The following ARHGAP15 variants were observed in gnomAD, a reference collection of about 807,000 sequenced individuals.
The protein encoded by ARHGAP15 is rho GTPase-activating protein 15.
Under a neutral mutation model 63.7 loss-of-function variants are expected in ARHGAP15, and 51 were observed. The ratio of observed to expected loss-of-function variants is 0.80; its 90% CI spans 0.64 to 1.01. The LOEUF is 1.01. ARHGAP15 is among the 50% of genes least tolerant of loss of function. ARHGAP15 has a pLI of 0.00. For missense variants in ARHGAP15, 560 were observed against 564.6 expected (o/e 0.99, Z 0.08); for synonymous variants, 191 against 193.8 (o/e 0.99, Z 0.12).
chr2:143,497,565 T>C (rs1441971514), intron 9 of ARHGAP15, among the ~76,000 whole-genome samples: 2 of 152,188 alleles, frequency 1.3e-5, no homozygotes, highest in East Asian at 3.8e-4. Context: ...TGGAAGATTC[T>C]TCAGCTTAGT....
intron 9 of ARHGAP15, among the ~76,000 whole-genome samples, chr2:143,510,018 TAAAAAAAAAAAAAAAAAA>T (rs35469918): frequency 4.1e-5 from 2 of 48,808 alleles, no homozygotes; most frequent in East Asian, 1.5e-3. Context: ...GACTCCCTCT[TAAAAAAAAAAAAAAAAAA>T]AAAAAAAAAA....
intron 6 of ARHGAP15, among the ~76,000 whole-genome samples, chr2:143,274,183 GA>G (rs1368393985): frequency 6.6e-6 from 1 of 152,106 alleles, no homozygotes; most frequent in Non-Finnish European, 1.5e-5. Context: ...CAGCTTCGAG[GA>G]AAAGTGGCAA....
At chr2:143,525,317 T>G (rs1308834417) in intron 10 of ARHGAP15, among the ~76,000 whole-genome samples, 3 of 143,208 alleles carry the variant, frequency 2.1e-5, no homozygotes, top group East Asian at 4.1e-4. Context: ...TAAAAAAAAG[T>G]AACAAAAACA....
At chr2:143,618,199 C>A (rs1439751119) in intron 11 of ARHGAP15, among the ~76,000 whole-genome samples, 3 of 152,238 alleles carry the variant, frequency 2.0e-5, no homozygotes, top group East Asian at 1.9e-4. Context: ...TTGAGTGATT[C>A]AACCAACTTA....
chr2:143,324,227 T>A (rs185227391), intron 6 of ARHGAP15, among the ~76,000 whole-genome samples: 4 of 152,246 alleles, frequency 2.6e-5, no homozygotes, highest in African/African-American at 9.6e-5. Flanking sequence ...ATCATTTCTT[T>A]CCTTAGTTAT....
intron 11 of ARHGAP15, among the ~76,000 whole-genome samples, chr2:143,618,644 T>C (rs1234071356): frequency 6.6e-6 from 1 of 152,228 alleles, no homozygotes; most frequent in Non-Finnish European, 1.5e-5. Context: ...TTTTAACACA[T>C]GAAGAAGATT....
At chr2:143,515,837 G>A (rs1429289551) in intron 9 of ARHGAP15, among the ~76,000 whole-genome samples, 1 of 152,202 alleles carries the variant, frequency 6.6e-6, no homozygotes, top group Non-Finnish European at 1.5e-5. Context: ...GATTTAAGAT[G>A]CTTTATAACA....
intron 6 of ARHGAP15, among the ~76,000 whole-genome samples, chr2:143,251,903 A>G (rs1680176146): frequency 6.6e-6 from 1 of 151,986 alleles, no homozygotes; most frequent in African/African-American, 2.4e-5. Flanking sequence ...CCTTTCCCCC[A>G]ATTTCTTACT....
intron 9 of ARHGAP15, among the ~76,000 whole-genome samples, chr2:143,491,210 T>C (rs1692566555): frequency 2.0e-5 from 3 of 152,310 alleles, no homozygotes; most frequent in East Asian, 1.9e-4. Flanking sequence ...ATATAAATTA[T>C]AGGCAAAAGC....
At chr2:143,279,182 C>T (rs1429884463) in intron 6 of ARHGAP15, among the ~76,000 whole-genome samples, 2 of 152,092 alleles carry the variant, frequency 1.3e-5, no homozygotes, top group African/African-American at 4.8e-5. Context: ...AAGAATGAAG[C>T]GGTATCTCTT....
intron 12 of ARHGAP15, among the ~76,000 whole-genome samples, chr2:143,655,424 A>G (rs1681386703): frequency 6.7e-6 from 1 of 150,082 alleles, no homozygotes; most frequent in South Asian, 2.2e-4. Context: ...TGCCAGACAC[A>G]GTGTGGTAAT....
At chr2:143,418,404 C>T (rs1688776015) in intron 6 of ARHGAP15, among the ~76,000 whole-genome samples, 1 of 152,100 alleles carries the variant, frequency 6.6e-6, no homozygotes, top group Admixed American at 6.6e-5. Context: ...ATGAAACTGT[C>T]AAAATTTACT....
At chr2:143,398,227 C>T (rs1460920174) in intron 6 of ARHGAP15, among the ~76,000 whole-genome samples, 1 of 152,068 alleles carries the variant, frequency 6.6e-6, no homozygotes, top group Non-Finnish European at 1.5e-5. Context: ...AATGTACCAC[C>T]TCAGTTATGG....
At chr2:143,174,183 C>T (rs554286784) in intron 2 of ARHGAP15, among the ~76,000 whole-genome samples, 4 of 152,196 alleles carry the variant, frequency 2.6e-5, no homozygotes, top group Non-Finnish European at 5.9e-5. Flanking sequence ...ATAATACCAG[C>T]TCTGCCAGGC....
chr2:143,444,692 C>T (rs537513723), intron 8 of ARHGAP15, among the ~76,000 whole-genome samples: 2 of 152,148 alleles, frequency 1.3e-5, no homozygotes, highest in South Asian at 2.1e-4. Flanking sequence ...AAAAAAAATC[C>T]GTTGTTAACA....
At chr2:143,636,883 C>G (rs1328427664) in intron 12 of ARHGAP15, among the ~76,000 whole-genome samples, 1 of 152,084 alleles carries the variant, frequency 6.6e-6, no homozygotes, top group Non-Finnish European at 1.5e-5. Context: ...TCTCACAGTT[C>G]TGGAGCCTGG....
In ARHGAP15 at chr2:143,419,159, A is replaced by AC. The variant is rs397775367; in HGVS notation, c.475-16440dup. On this transcript the variant is annotated intron_variant, in intron 6 of 13. Transcript: ENST00000295095. ...TAGTAAGAAATTCTAAGAAAAAAAA[A>AC]CCACAAATGCCTAATTATAAAAGAA... is the stretch of plus-strand genomic sequence containing the variant. Among the ~76,000 whole-genome samples, 18 of 151,570 alleles carry AC rather than the reference A, an allele frequency of 1.2e-4. No homozygotes were observed. The East Asian group carries it at 2.9e-3, about 25-fold the overall frequency.
At chr2:143,635,252 T>C (rs962010832) in intron 12 of ARHGAP15, among the ~76,000 whole-genome samples, 2 of 129,166 alleles carry the variant, frequency 1.5e-5, no homozygotes, top group East Asian at 5.3e-4. Context: ...AGGGTCTCAC[T>C]ATGTTGCCCA....
chr2:143,666,745 AG>A (rs1263807054), intron 12 of ARHGAP15, among the ~76,000 whole-genome samples: 1 of 138,508 alleles, frequency 7.2e-6, no homozygotes, highest in African/African-American at 2.8e-5. Flanking sequence ...CAACCCCATC[AG>A]AAAGTGGGCT....
Sources: allele counts gnomAD v4.1 joint callset (sites outside exome capture counted in the v4.1 genomes callset), GRCh38; gene constraint gnomAD v4.1.1; transcripts MANE v1.5; gene names NCBI Gene and HGNC (gene_info 2026-07-23, HGNC 2026-07-21).